Variants in LY96 observed in about 807,000 individuals in gnomAD.
LY96 encodes myeloid differentiation protein-2.
In LY96, 18 loss-of-function variants were observed where a neutral mutation model predicts 18.9. The ratio of observed to expected loss-of-function variants is 0.95; its 90% CI spans 0.66 to 1.41. The LOEUF (loss-of-function observed/expected upper bound fraction) is 1.41, where lower values mean the gene tolerates loss of function less well. Among genes scored for constraint, LY96 ranks in the 40% most tolerant of loss-of-function variants. LY96 has a pLI of 0.00. For synonymous variants in LY96, 66 were observed against 62.6 expected (o/e 1.06, Z -0.26); for missense variants, 175 against 182.4 (o/e 0.96, Z 0.23).
At chr8:74,095,455 T>C in the LY96 span, among the ~76,000 whole-genome samples, 1 of 152,164 alleles carries the variant, frequency 6.6e-6, no homozygotes, top group African/African-American at 2.4e-5. Flanking sequence ...CCCATTTTTA[T>C]TGTTGAAGTT....
chr8:73,992,194 A>G (rs552560766), intron 1 of LY96, among the ~76,000 whole-genome samples: 6 of 152,148 alleles, frequency 3.9e-5, no homozygotes, highest in African/African-American at 1.4e-4. Flanking sequence ...AATACTATTC[A>G]CTGGCTGTGT....
chr8:73,992,943 C>T (rs1034683542), intron 1 of LY96, among the ~76,000 whole-genome samples: 1 of 151,776 alleles, frequency 6.6e-6, no homozygotes, highest in Non-Finnish European at 1.5e-5. Context: ...CAACCTCTGC[C>T]TCCCAAGTTC....
chr8:74,021,755 G>C (rs906289934), intron 3 of LY96, among the ~76,000 whole-genome samples: 1 of 152,150 alleles, frequency 6.6e-6, no homozygotes, highest in East Asian at 1.9e-4. Context: ...AAAACGATGA[G>C]TTCATGTCCT....
chr8:74,022,863 G>C (rs933448160), intron 3 of LY96, among the ~76,000 whole-genome samples: 2 of 152,144 alleles, frequency 1.3e-5, no homozygotes, highest in African/African-American at 4.8e-5. Context: ...ACAGGCGTGA[G>C]CCACTGTTCC....
the LY96 span, among the ~76,000 whole-genome samples, chr8:74,064,251 C>T: frequency 6.6e-5 from 10 of 152,212 alleles, no homozygotes; most frequent in South Asian, 2.1e-4. Context: ...AAAAATTATA[C>T]AGCAGTGAAA....
intron 3 of LY96, among the ~76,000 whole-genome samples, chr8:74,021,990 C>G (rs1232024875): frequency 6.6e-6 from 1 of 151,830 alleles, no homozygotes; most frequent in Non-Finnish European, 1.5e-5. Flanking sequence ...TTAATTGGTG[C>G]AGCAAACCAA....
At chr8:73,999,909 A>G (rs569156323) in intron 1 of LY96, among the ~76,000 whole-genome samples, 1 of 151,996 alleles carries the variant, frequency 6.6e-6, no homozygotes, top group East Asian at 1.9e-4. Flanking sequence ...TTCCCTTCCA[A>G]TTTGGATGCT....
intron 3 of LY96, among the ~76,000 whole-genome samples, chr8:74,014,273 G>A (rs949323094): frequency 3.3e-5 from 5 of 151,336 alleles, no homozygotes; most frequent in Admixed American, 1.3e-4. Flanking sequence ...AATTAGCTGG[G>A]TGTGGTGGTA....
the LY96 span, among the ~76,000 whole-genome samples, chr8:74,058,824 G>T: frequency 2.0e-5 from 3 of 152,118 alleles, no homozygotes; most frequent in African/African-American, 7.2e-5. Context: ...CCGGCTGAAA[G>T]AGATTTATTA....
In LY96 at chr8:74,028,981, C is replaced by G. The variant is rs1816923472; in HGVS notation, c.410C>G (p.Ala137Gly). The change falls in exon 5 of 5, where the codon GCT (alanine) becomes GGT (glycine). Residue 137 changes from alanine (A) to glycine (G), a missense_variant. Physicochemically the swap from Ala to Gly is moderately conservative, Grantham distance 60 (BLOSUM62 0). Transcript: ENST00000284818. ...GGAAAATACAAATGTGTTGTTGAAG[C>G]TATTTCTGGGAGCCCAGAAGAAATG... is the stretch of plus-strand genomic sequence containing the variant. Reference protein sequence around the residue: ...SKGKYKCVVEAISGSPEEMLF... With the variant: ...SKGKYKCVVEGISGSPEEMLF... The G allele has an allele frequency of 6.2e-7, 1 of 1,609,044 alleles. No individual in the cohort carries two copies. Among genetic ancestry groups the G allele is most frequent in the South Asian group, 1.1e-5 (1 of 90,774 alleles).
intron 1 of LY96, among the ~76,000 whole-genome samples, chr8:73,996,992 G>A (rs1194782386): frequency 2.0e-5 from 3 of 152,018 alleles, no homozygotes; most frequent in Admixed American, 6.6e-5. Flanking sequence ...CAATCCACCC[G>A]CCTGGGCCTC....
the LY96 span, among the ~76,000 whole-genome samples, chr8:74,048,311 G>C: frequency 3.3e-5 from 5 of 151,902 alleles, no homozygotes; most frequent in Admixed American, 6.5e-5. Flanking sequence ...GCCTAGGCGG[G>C]AGTACAGTGG....
chr8:74,085,096 G>C, the LY96 span, among the ~76,000 whole-genome samples: 1 of 152,202 alleles, frequency 6.6e-6, no homozygotes, highest in South Asian at 2.1e-4. Flanking sequence ...AATAACATTT[G>C]TATGCAGCTA....
chr8:74,005,952 T>A (rs1254085941), intron 2 of LY96, among the ~76,000 whole-genome samples: 2 of 152,182 alleles, frequency 1.3e-5, no homozygotes, highest in African/African-American at 4.8e-5. Flanking sequence ...GCTTAAACAT[T>A]TTCCCCCGAT....
At chr8:74,043,059 G>A in the LY96 span, among the ~76,000 whole-genome samples, 4 of 152,204 alleles carry the variant, frequency 2.6e-5, no homozygotes, top group Non-Finnish European at 4.4e-5. Flanking sequence ...ACAGGCATGA[G>A]CCACCATACC....
chr8:74,059,285 A>T, the LY96 span, among the ~76,000 whole-genome samples: 1 of 152,256 alleles, frequency 6.6e-6, no homozygotes, highest in African/African-American at 2.4e-5. Context: ...AATGCTTGAT[A>T]GAAAGATGTG....
chr8:74,038,467 TATTTCAATTAGCATA>T, the LY96 span, among the ~76,000 whole-genome samples: 1 of 152,250 alleles, frequency 6.6e-6, no homozygotes, highest in Non-Finnish European at 1.5e-5. Flanking sequence ...GTGCCTGGAT[TATTTCAATTAGCATA>T]ATGACCTCCG....
intron 3 of LY96, among the ~76,000 whole-genome samples, chr8:74,022,431 AGAT>A (rs1239190359): frequency 6.6e-6 from 1 of 151,398 alleles, no homozygotes; most frequent in African/African-American, 2.4e-5. Flanking sequence ...CCAAAAAAAA[AGAT>A]AGCTTTCTAA....
the LY96 span, among the ~76,000 whole-genome samples, chr8:74,065,982 T>C: frequency 1.0e-3 from 152 of 152,368 alleles, no homozygotes; most frequent in African/African-American, 3.3e-3. Context: ...GGACATTCTA[T>C]GTCTTTATTT....
Sources: allele counts gnomAD v4.1 joint callset (sites outside exome capture counted in the v4.1 genomes callset), GRCh38; gene constraint gnomAD v4.1.1; transcripts MANE v1.5; gene names NCBI Gene and HGNC (gene_info 2026-07-23, HGNC 2026-07-21).